Variants in NXN observed in about 807,000 individuals in gnomAD.
NXN encodes the protein nucleoredoxin 1.
In NXN, 16 loss-of-function variants were observed where a neutral mutation model predicts 48.6. The ratio of observed to expected loss-of-function variants is 0.33; its 90% confidence interval spans 0.22 to 0.50. The LOEUF is 0.50. Among genes scored for constraint, NXN ranks in the 20% least tolerant of loss-of-function variants. The pLI is 0.98. For synonymous variants in NXN, 281 were observed against 269.6 expected, an observed-to-expected ratio of 1.04 and a Z score of -0.41; for missense variants, 492 against 605.5, an observed-to-expected ratio of 0.81 and a Z score of 1.97.
chr17:930,631 G>C (rs1009887620), intron 1 of NXN, among the ~76,000 whole-genome samples: 1 of 152,122 alleles, frequency 6.6e-6, no homozygotes, highest in Non-Finnish European at 1.5e-5. Context: ...AGACCTGATG[G>C]GCAGGATAGA....
intron 1 of NXN, among the ~76,000 whole-genome samples, chr17:935,842 C>T (rs1162720108): frequency 3.3e-5 from 5 of 152,104 alleles, no homozygotes; most frequent in East Asian, 1.9e-4. Context: ...CCTATAATCC[C>T]GGCACTTTGG....
intron 1 of NXN, among the ~76,000 whole-genome samples, chr17:947,186 G>A (rs2069053113): frequency 6.6e-6 from 1 of 152,116 alleles, no homozygotes; most frequent in African/African-American, 2.4e-5. Context: ...AGTAACCCAC[G>A]TACAGTAGTG....
rs527891768 is a variant in NXN at position 876,050 on chromosome 17, G to A, written c.361-49972C>T. On this transcript the variant is annotated intron_variant, in intron 1 of 7. Coordinates refer to ENST00000336868, the MANE Select transcript of NXN (RefSeq NM_022463.5). ...TATAAAATTAGCCGGGCGTGGTGGC[G>A]TGCACCTGTAATCCCAGGTACCTGG... 1.2e-3 allele frequency among the ~76,000 whole-genome samples: 187 copies of A among 152,076 alleles called. 1 individual carries two copies. Among genetic ancestry groups the A allele is most frequent in the African/African-American group, 4.2e-3 (175 of 41,488 alleles).
At chr17:937,710 C>T (rs1032214415) in intron 1 of NXN, among the ~76,000 whole-genome samples, 4 of 152,168 alleles carry the variant, frequency 2.6e-5, no homozygotes, top group African/African-American at 2.4e-5. Flanking sequence ...CAAAGGCATC[C>T]GAGCTGGCAG....
intron 1 of NXN, among the ~76,000 whole-genome samples, chr17:853,723 A>ATATATATATATATATTTTTT (rs1491528474): frequency 1.9e-5 from 2 of 106,002 alleles, no homozygotes; most frequent in Non-Finnish European, 3.5e-5. Context: ...ATATATATAT[A>ATATATATATATATATTTTTT]TTTTTTTTTT....
chr17:913,730 T>C (rs2068658574), intron 1 of NXN, among the ~76,000 whole-genome samples: 1 of 152,076 alleles, frequency 6.6e-6, no homozygotes, highest in African/African-American at 2.4e-5. Context: ...TGGCACCTGC[T>C]CTTTCTTATC....
chr17:825,930 A>G lies in NXN; in HGVS notation c.478+31T>C. 7.1e-7 allele frequency: 1 copy of G among 1,412,196 alleles called. No individual in the cohort carries two copies. Among genetic ancestry groups the G allele is most frequent in the Non-Finnish European group, 9.9e-7 (1 of 1,007,696 alleles). The allele number at this position is 1,412,196 out of a possible 1,614,324, so 87.5% of individuals were successfully genotyped here. ...ATGGAGGAGGGAGGGCTGGGTAATA[A>G]GAGGACCATATGCACGGGCTGAGGT... On this transcript the variant is annotated intron_variant, in intron 2 of 7. Coordinates refer to ENST00000336868, the MANE Select transcript of NXN (RefSeq NM_022463.5). The surrounding 1 kb of genome is among the most constrained non-coding windows in gnomAD (Gnocchi z 4.1).
At chr17:970,960 T>TTG (rs2069369319) in intron 1 of NXN, among the ~76,000 whole-genome samples, 1 of 151,738 alleles carries the variant, frequency 6.6e-6, no homozygotes. Flanking sequence ...TTTTTTTTTT[T>TTG]TTTGACACGG....
intron 1 of NXN, among the ~76,000 whole-genome samples, chr17:847,073 C>T (rs2067871338): frequency 6.6e-6 from 1 of 152,098 alleles, no homozygotes; most frequent in African/African-American, 2.4e-5. Flanking sequence ...GTCCGCTCTG[C>T]AAAATGAACA....
chr17:845,783 T>TA (rs2067853530), intron 1 of NXN, among the ~76,000 whole-genome samples: 1 of 152,198 alleles, frequency 6.6e-6, no homozygotes, highest in Non-Finnish European at 1.5e-5. Context: ...ACCAGGCAAA[T>TA]ACGCCGGGTG....
chr17:881,188 C>T (rs747777067), intron 1 of NXN, among the ~76,000 whole-genome samples: 3 of 152,204 alleles, frequency 2.0e-5, no homozygotes, highest in African/African-American at 7.2e-5. Context: ...GTATCAAACC[C>T]GGGTGAGGAC....
chr17:835,148 A>G (rs903731479), intron 1 of NXN, among the ~76,000 whole-genome samples: 2 of 151,560 alleles, frequency 1.3e-5, no homozygotes, highest in Admixed American at 6.6e-5. Flanking sequence ...CTCTACTAAA[A>G]ATACAAAAAA....
At chr17:862,130 CA>C (rs1244452530) in intron 1 of NXN, among the ~76,000 whole-genome samples, 9 of 151,572 alleles carry the variant, frequency 5.9e-5, no homozygotes, top group African/African-American at 1.9e-4. Context: ...CGTGTTCAGC[CA>C]ATGAGGGGCT....
intron 1 of NXN, among the ~76,000 whole-genome samples, chr17:843,685 G>A (rs527257904): frequency 1.3e-5 from 2 of 152,300 alleles, no homozygotes; most frequent in African/African-American, 4.8e-5. Context: ...GGGGGATAGG[G>A]TTTCTGTGGC....
At chr17:943,655 G>A (rs550505300) in intron 1 of NXN, among the ~76,000 whole-genome samples, 1 of 150,580 alleles carries the variant, frequency 6.6e-6, no homozygotes, top group East Asian at 2.0e-4. Flanking sequence ...AACCCCGTCT[G>A]TACTAAAAAT....
intron 1 of NXN, among the ~76,000 whole-genome samples, chr17:841,586 C>A (rs62067129): frequency 8.4e-5 from 1 of 11,894 alleles, no homozygotes; most frequent in Non-Finnish European, 1.4e-4. Context: ...CATCTCACGC[C>A]GGCGAGCAGG....
intron 1 of NXN, among the ~76,000 whole-genome samples, chr17:957,155 T>TGATTTGTGTAATA (rs2069179942): frequency 6.6e-6 from 1 of 151,568 alleles, no homozygotes; most frequent in Non-Finnish European, 1.5e-5. Context: ...CGTGCAAAGG[T>TGATTTGTGTAATA]GATTTGTGTA....
At chr17:822,533 G>A (rs1567817914) in intron 3 of NXN, 76 bp from the exon 4 acceptor site, 2 of 1,100,988 alleles carry the variant, frequency 1.8e-6, no homozygotes, top group East Asian at 4.9e-5. Flanking sequence ...CCAAGGCCGG[G>A]TTAGCAGGAC....
At chr17:808,930 G>C (rs1187934396) in intron 5 of NXN, among the ~76,000 whole-genome samples, 2 of 152,072 alleles carry the variant, frequency 1.3e-5, no homozygotes, top group African/African-American at 4.8e-5. Flanking sequence ...GCCCGCCTCG[G>C]CCTCCCAAAC....
Sources: allele counts gnomAD v4.1 joint callset (sites outside exome capture counted in the v4.1 genomes callset), GRCh38; gene constraint gnomAD v4.1.1; non-coding constraint Gnocchi (gnomAD v3.1); transcripts MANE v1.5; gene names NCBI Gene and HGNC (gene_info 2026-07-23, HGNC 2026-07-21).